MACROD2: variants seen among roughly 807,000 people sequenced by gnomAD.
MACROD2 encodes mono-ADP ribosylhydrolase 2.
In MACROD2, 36 loss-of-function variants were observed where a neutral mutation model predicts 70.4. The ratio of observed to expected loss-of-function variants is 0.51; its 90% CI spans 0.39 to 0.68. The LOEUF is 0.68. Among genes scored for constraint, MACROD2 ranks in the 30% least tolerant of loss-of-function variants. MACROD2 has a pLI of 0.00. For synonymous variants in MACROD2, 172 were observed against 178.8 expected (o/e 0.96, Z 0.30); for missense variants, 496 against 538.4 (o/e 0.92, Z 0.78).
At chr20:15,929,430 T>A (rs979188669) in intron 10 of MACROD2, among the ~76,000 whole-genome samples, 2 of 149,886 alleles carry the variant, frequency 1.3e-5, no homozygotes, top group East Asian at 1.9e-4. Context: ...GACACTGATT[T>A]TATATATATA....
At chr20:14,501,109 A>G (rs1448928283) in intron 4 of MACROD2, among the ~76,000 whole-genome samples, 1 of 151,830 alleles carries the variant, frequency 6.6e-6, no homozygotes, top group Non-Finnish European at 1.5e-5. Context: ...TCATATTTAT[A>G]CAGTAATTAT....
chr20:14,185,608 A>G (rs1324261911), intron 3 of MACROD2, among the ~76,000 whole-genome samples: 3 of 152,172 alleles, frequency 2.0e-5, no homozygotes, highest in Admixed American at 1.3e-4. Flanking sequence ...TTAAGATAGT[A>G]AAAATATAAA....
intron 6 of MACROD2, among the ~76,000 whole-genome samples, chr20:15,339,642 C>G (rs1933626310): frequency 6.6e-6 from 1 of 151,756 alleles, no homozygotes; most frequent in Non-Finnish European, 1.5e-5. Context: ...GGCTTCTGAA[C>G]AAGTCAAACT....
At chr20:14,547,354 T>C in intron 4 of MACROD2, 1 of 232,130 alleles carries the variant, frequency 4.3e-6, no homozygotes, top group Non-Finnish European at 9.8e-6. Context: ...ACAGATCACA[T>C]ACTCCCAGAT....
intron 5 of MACROD2, among the ~76,000 whole-genome samples, chr20:14,969,328 A>C (rs2074668593): frequency 6.6e-6 from 1 of 151,292 alleles, no homozygotes; most frequent in Middle Eastern, 3.2e-3. Context: ...ACTGAATAAA[A>C]GTAAAGCAAT....
At chr20:14,862,258 T>TAAATATATATTTATATATTAATATATAA (rs1171211633) in intron 5 of MACROD2, among the ~76,000 whole-genome samples, 2 of 46,874 alleles carry the variant, frequency 4.3e-5, no homozygotes, top group Non-Finnish European at 6.8e-5. Context: ...TTAATATATA[T>TAAATATATATTTATATATTAATATATAA]AAATATATTA....
At chr20:14,929,937 G>A (rs991480954) in intron 5 of MACROD2, among the ~76,000 whole-genome samples, 22 of 151,962 alleles carry the variant, frequency 1.4e-4, no homozygotes, top group African/African-American at 2.9e-4. Context: ...CGACACAGGC[G>A]GATCATGAGG....
In MACROD2 at chr20:14,575,065, T is replaced by C. The variant is rs543731893; in HGVS notation, c.301+81557T>C. Among the ~76,000 whole-genome samples, 14 of 150,660 alleles carry C rather than the reference T, an allele frequency of 9.3e-5. No homozygotes were observed. In the South Asian group the frequency reaches 2.9e-3, roughly 31 times the overall value. ...AAATATTCACAAAGTTTTTGGTCTC[T>C]GCACCCCTTTCCACTTTTAAAAATG... is the stretch of plus-strand genomic sequence containing the variant. On this transcript the variant is annotated intron_variant, in intron 4 of 17. Transcript: ENST00000684519.
intron 3 of MACROD2, among the ~76,000 whole-genome samples, chr20:14,302,719 G>A (rs546497098): frequency 2.6e-5 from 4 of 151,798 alleles, no homozygotes; most frequent in African/African-American, 7.2e-5. Context: ...GCAGTGGCGC[G>A]ATCTTGGCTC....
chr20:14,527,235 C>A (rs547216742), intron 4 of MACROD2, among the ~76,000 whole-genome samples: 1 of 152,262 alleles, frequency 6.6e-6, no homozygotes, highest in African/African-American at 2.4e-5. Context: ...CTCTCCATAT[C>A]CAGTTGCTTC....
chr20:15,134,056 G>A (rs530892960), intron 5 of MACROD2, among the ~76,000 whole-genome samples: 414 of 150,056 alleles, frequency 2.8e-3, no homozygotes, highest in African/African-American at 9.1e-3. Context: ...ACAGGTGCCC[G>A]CCACCTCACC....
At chr20:15,364,694 C>T (rs1024632134) in intron 6 of MACROD2, among the ~76,000 whole-genome samples, 11 of 152,264 alleles carry the variant, frequency 7.2e-5, no homozygotes, top group African/African-American at 1.7e-4. Context: ...TATATAGGCA[C>T]GTTATCTCCT....
chr20:14,015,410 C>A (rs770739702), intron 2 of MACROD2, among the ~76,000 whole-genome samples: 23 of 152,062 alleles, frequency 1.5e-4, no homozygotes, highest in Non-Finnish European at 1.9e-4. Flanking sequence ...AGTGAGACTT[C>A]ATCTCTAAAA....
intron 6 of MACROD2, among the ~76,000 whole-genome samples, chr20:15,408,678 G>A (rs1287239221): frequency 6.6e-6 from 1 of 152,284 alleles, no homozygotes; most frequent in Non-Finnish European, 1.5e-5. Flanking sequence ...TCCAGAGAGG[G>A]CATCTTTCAG....
chr20:14,553,165 A>G (rs1404329051), intron 4 of MACROD2, among the ~76,000 whole-genome samples: 7 of 151,270 alleles, frequency 4.6e-5, no homozygotes, highest in Admixed American at 1.3e-4. Context: ...GCTTTTTTCT[A>G]TATTAAAATT....
At chr20:16,018,681 T>A (rs1480058118) in intron 15 of MACROD2, among the ~76,000 whole-genome samples, 2 of 152,220 alleles carry the variant, frequency 1.3e-5, no homozygotes, top group Non-Finnish European at 2.9e-5. Context: ...TTTTCTTTAA[T>A]CATCTGACAT....
chr20:14,879,464 T>A (rs2073587005), intron 5 of MACROD2, among the ~76,000 whole-genome samples: 1 of 152,162 alleles, frequency 6.6e-6, no homozygotes, highest in African/African-American at 2.4e-5. Flanking sequence ...ACATTTGAGA[T>A]TAACTTACTT....
intron 5 of MACROD2, among the ~76,000 whole-genome samples, chr20:14,773,160 C>T (rs908190552): frequency 3.3e-5 from 5 of 151,956 alleles, no homozygotes; most frequent in Non-Finnish European, 2.9e-5. Context: ...ATTCTAGCTG[C>T]ACAAAAGACT....
At chr20:15,752,755 G>A (rs1266732150) in intron 8 of MACROD2, among the ~76,000 whole-genome samples, 1 of 151,966 alleles carries the variant, frequency 6.6e-6, no homozygotes, top group East Asian at 1.9e-4. Flanking sequence ...TCCTCTCCCA[G>A]GAAGCTCATC....
Sources: allele counts gnomAD v4.1 joint callset (sites outside exome capture counted in the v4.1 genomes callset), GRCh38; gene constraint gnomAD v4.1.1; transcripts MANE v1.5; gene names NCBI Gene and HGNC (gene_info 2026-07-23, HGNC 2026-07-21).